The following SLC37A1 variants were observed in gnomAD, a reference collection of about 807,000 sequenced individuals.
SLC37A1 encodes glucose-6-phosphate exchanger SLC37A1.
SLC37A1 carries 49 observed loss-of-function variants against 75.3 expected under a neutral mutation model. That is an observed-to-expected ratio of 0.65 (90% CI 0.52 to 0.83). SLC37A1 has a LOEUF of 0.83. SLC37A1 is among the 40% of genes least tolerant of loss of function. The probability of loss-of-function intolerance (pLI) is 0.00; values close to 1 mark genes in which losing one functional copy is unlikely to be tolerated. For synonymous variants in SLC37A1, 268 were observed against 292.1 expected (o/e 0.92, Z 0.84); for missense variants, 566 against 695.0 (o/e 0.81, Z 2.09).
rs561034073 is a variant in SLC37A1, at chr21:42,572,288, G to A, written c.1424-2530G>A. On this transcript the variant is annotated intron_variant, in intron 17 of 19. Coordinates refer to ENST00000352133, the MANE Select transcript of SLC37A1 (RefSeq NM_001320537.2). The stretch of plus-strand genomic sequence containing the variant: ...CCCCGGGAGCCTTTCTTCATCCACC[G>A]TCCTGGGGCACCTGGTGGCACCTTC... Among the ~76,000 whole-genome samples, 68 of 152,010 alleles carry A rather than the reference G, an allele frequency of 4.5e-4. 1 individual carries two copies. The South Asian group carries it at 0.013, about 29-fold the overall frequency.
intron 5 of SLC37A1, among the ~76,000 whole-genome samples, chr21:42,536,160 C>CAG (rs2055132847): frequency 6.6e-6 from 1 of 152,220 alleles, no homozygotes; most frequent in Admixed American, 6.5e-5. Flanking sequence ...CAGGGAACTC[C>CAG]AGAGAGACAC....
chr21:42,530,630 AC>A (rs2054928469), intron 3 of SLC37A1, among the ~76,000 whole-genome samples: 1 of 101,816 alleles, frequency 9.8e-6, no homozygotes, highest in African/African-American at 3.7e-5. Flanking sequence ...ACACACACAC[AC>A]ACACACACAC....
intron 11 of SLC37A1, 57 bp downstream of exon 11, chr21:42,559,146 A>G: frequency 6.4e-7 from 1 of 1,572,412 alleles, no homozygotes; most frequent in Non-Finnish European, 8.6e-7. Flanking sequence ...GGCTGTGGGA[A>G]GTCTGGTCGG....
intron 11 of SLC37A1, among the ~76,000 whole-genome samples, chr21:42,561,079 G>A (rs1316905176): frequency 6.6e-6 from 1 of 152,210 alleles, no homozygotes; most frequent in Non-Finnish European, 1.5e-5. Context: ...CCAGGCCCAT[G>A]AAAGGCATAC....
chr21:42,503,949 C>T (rs564079795), intron 2 of SLC37A1, among the ~76,000 whole-genome samples: 13 of 152,294 alleles, frequency 8.5e-5, no homozygotes, highest in East Asian at 3.9e-4. Context: ...CAACCACATC[C>T]GGGTGGTACT....
rs780937490 is a variant in SLC37A1 at position 42,547,094 on chromosome 21, C to T, written c.731-9C>T. 2.5e-6 allele frequency: 4 copies of T among 1,614,198 alleles called. No individual in the cohort carries two copies. In the African/African-American group the frequency reaches 5.3e-5, roughly 22 times the overall value. On this transcript the variant is annotated splice_polypyrimidine_tract_variant and intron_variant, in intron 8 of 19. Transcript: ENST00000352133. This position sits in a 1 kb window ranked among gnomAD's most constrained non-coding sequence, Gnocchi z 6.1. ...ACCTGCTCAGCCTCACTCATGTTTG[C>T]TCTTTCAGATCCGAACGACGTCAGG...
At chr21:42,557,318 C>A (rs1373116645) in intron 10 of SLC37A1, among the ~76,000 whole-genome samples, 2 of 152,242 alleles carry the variant, frequency 1.3e-5, no homozygotes, top group African/African-American at 4.8e-5. Context: ...GAATTCGAGG[C>A]TTCTCAAAGC....
intron 2 of SLC37A1, among the ~76,000 whole-genome samples, chr21:42,522,741 C>T (rs8129779): frequency 0.35 from 53,988 of 152,178 alleles, 10,099 homozygotes; most frequent in African/African-American, 0.48. Flanking sequence ...TTCTACAGGA[C>T]GGCTTCTGTC....
chr21:42,569,376 C>T (rs1179146484), intron 17 of SLC37A1, among the ~76,000 whole-genome samples: 1 of 152,214 alleles, frequency 6.6e-6, no homozygotes, highest in Admixed American at 6.5e-5. Context: ...GAATGCAAAG[C>T]CCTCCCGCCA....
Position 42,564,700 on chromosome 21 carries a change from C to T in SLC37A1, c.1136-8C>T, listed in dbSNP as rs372993221. On this transcript the variant is annotated splice_region_variant and splice_polypyrimidine_tract_variant and intron_variant, in intron 13 of 19. Coordinates refer to ENST00000352133, the MANE Select transcript of SLC37A1 (RefSeq NM_001320537.2). ...CGTCAGTGCCTGAAGCCCGCCTCTC[C>T]GTTGCAGGTGGGATCCTGGCAGGTG... 3.7e-5 allele frequency: 59 copies of T among 1,610,018 alleles called. No individual in the cohort carries two copies. The African/African-American group carries it at 5.2e-4, about 14-fold the overall frequency.
chr21:42,517,758 C>T lies in SLC37A1; in HGVS notation c.-178-519C>T, dbSNP rs111235169. ...AGGAGATGAAAAATGAAGAGGCAGA[C>T]GAGGCAAATTCATTCCTCCTTTGGA... On this transcript the variant is annotated intron_variant, in intron 1 of 19. Coordinates refer to ENST00000352133, the MANE Select transcript of SLC37A1 (RefSeq NM_001320537.2). 1.6e-3 allele frequency among the ~76,000 whole-genome samples: 247 copies of T among 152,276 alleles called. 1 individual carries two copies. Among genetic ancestry groups the T allele is most frequent in the African/African-American group, 4.5e-3 (189 of 41,542 alleles).
At chr21:42,519,394 A>T (rs911428023) in intron 2 of SLC37A1, among the ~76,000 whole-genome samples, 3 of 152,162 alleles carry the variant, frequency 2.0e-5, no homozygotes, top group African/African-American at 7.2e-5. Flanking sequence ...TTTTGTGATC[A>T]TTCCTGTTTC....
upstream of SLC37A1, among the ~76,000 whole-genome samples, chr21:42,512,619 A>G (rs2054447941): frequency 6.6e-6 from 1 of 152,242 alleles, no homozygotes; most frequent in Non-Finnish European, 1.5e-5. Context: ...GAGAGAAAGA[A>G]GGTCTGAAGA....
chr21:42,556,358 T>C (rs1001320092), intron 10 of SLC37A1, among the ~76,000 whole-genome samples: 8 of 152,124 alleles, frequency 5.3e-5, no homozygotes, highest in African/African-American at 1.9e-4. Context: ...TATTTGGAGG[T>C]TGAATGTGAC....
intron 5 of SLC37A1, among the ~76,000 whole-genome samples, chr21:42,535,950 C>A (rs562580319): frequency 6.6e-6 from 1 of 152,238 alleles, no homozygotes; most frequent in Admixed American, 6.5e-5. Flanking sequence ...TTTATATGCC[C>A]CAAATAACGA....
At chr21:42,500,375 G>A (rs1028516085) in intron 1 of SLC37A1, among the ~76,000 whole-genome samples, 2 of 152,172 alleles carry the variant, frequency 1.3e-5, no homozygotes, top group Non-Finnish European at 2.9e-5. Flanking sequence ...AGACAGACCC[G>A]AGATTGGAGC....
At chr21:42,521,704 C>G (rs2054653328) in intron 2 of SLC37A1, among the ~76,000 whole-genome samples, 1 of 152,254 alleles carries the variant, frequency 6.6e-6, no homozygotes, top group Non-Finnish European at 1.5e-5. Flanking sequence ...GGAAGCCAAG[C>G]ATGCTATAAG....
At chr21:42,531,011 A>G (rs1032584321) in intron 3 of SLC37A1, among the ~76,000 whole-genome samples, 2 of 152,188 alleles carry the variant, frequency 1.3e-5, no homozygotes, top group Non-Finnish European at 2.9e-5. Flanking sequence ...CTGCAGGTGT[A>G]GGATGAGGGA....
rs753682424 is a variant in SLC37A1 at position 42,518,426 on chromosome 21, C to G, written c.-29C>G. 102 of 1,614,010 alleles carry G rather than the reference C, an allele frequency of 6.3e-5. 5 individuals carry two copies. The South Asian group carries it at 1.0e-3, about 16-fold the overall frequency. On this transcript the variant is annotated 5_prime_UTR_variant, in exon 2 of 20. Coordinates refer to ENST00000352133, the MANE Select transcript of SLC37A1 (RefSeq NM_001320537.2). ...ATTTATGAAGCATCTTATTCTGCGA[C>G]CGAGGCTCAGTGGTCAGTGGCGACG...
Sources: allele counts gnomAD v4.1 joint callset (sites outside exome capture counted in the v4.1 genomes callset), GRCh38; gene constraint gnomAD v4.1.1; non-coding constraint Gnocchi (gnomAD v3.1); transcripts MANE v1.5; gene names NCBI Gene and HGNC (gene_info 2026-07-23, HGNC 2026-07-21).